The following HMHB1 variants were observed in gnomAD, a reference collection of about 807,000 sequenced individuals.
HMHB1 encodes histocompatibility minor HB-1.
HMHB1 carries 4 observed loss-of-function variants against 2.4 expected under a neutral mutation model. That is an observed-to-expected ratio of 1.65 (90% CI 0.81 to 3.77). The LOEUF (loss-of-function observed/expected upper bound fraction) is 3.77, where lower values mean the gene tolerates loss of function less well. Ranked by LOEUF, HMHB1 falls within the 30% of genes most tolerant of loss-of-function variation. The pLI is 0.01. For missense variants in HMHB1, 57 were observed against 44.2 expected, an observed-to-expected ratio of 1.29 and a Z score of -0.82; for synonymous variants, 22 against 17.6, an observed-to-expected ratio of 1.25 and a Z score of -0.63.
intron 1 of HMHB1, among the ~76,000 whole-genome samples, chr5:143,814,023 C>T (rs1310460420): frequency 6.6e-6 from 1 of 152,140 alleles, no homozygotes; most frequent in Non-Finnish European, 1.5e-5. Flanking sequence ...ACTGAAATTT[C>T]ATAGCATCAT....
intron 1 of HMHB1, among the ~76,000 whole-genome samples, chr5:143,817,960 T>A (rs1269871078): frequency 2.6e-5 from 4 of 152,224 alleles, no homozygotes; most frequent in Non-Finnish European, 5.9e-5. Context: ...ATTATATTCA[T>A]GGATTAGAAG....
rs185132352 is a variant in HMHB1, at chr5:143,815,916, C to T, written c.37+3612C>T. Among the ~76,000 whole-genome samples, 808 of 144,530 alleles carry T rather than the reference C, an allele frequency of 5.6e-3. 17 individuals are homozygous for T. The highest frequency in any genetic ancestry group is 0.016 in the African/African-American group (583 of 36,514). The allele number at this position is 144,530 out of a possible 152,430, so 94.8% of individuals were successfully genotyped here. A position where few individuals can be genotyped will look rare whatever the true frequency, so the allele number is the denominator to read the frequency against. On this transcript the variant is annotated intron_variant, in intron 1 of 1. Coordinates refer to ENST00000289448, the MANE Select transcript of HMHB1 (RefSeq NM_021182.3). The stretch of plus-strand genomic sequence containing the variant: ...AGAGACGGGGTTTCACCTTGTTAGC[C>T]AGGATGGTCTCGATCTCCTGACCTC...
intron 1 of HMHB1, among the ~76,000 whole-genome samples, chr5:143,816,810 CA>C (rs1479752279): frequency 6.6e-6 from 1 of 152,220 alleles, no homozygotes; most frequent in Non-Finnish European, 1.5e-5. Context: ...TACAAGTTTA[CA>C]TTCCCACCAG....
chr5:143,812,910 A>C (rs1759708289), intron 1 of HMHB1, among the ~76,000 whole-genome samples: 1 of 151,994 alleles, frequency 6.6e-6, no homozygotes, highest in Non-Finnish European at 1.5e-5. Flanking sequence ...CACTAACCTC[A>C]TTTCAGAGCC....
At chr5:143,813,214 C>T (rs973402679) in intron 1 of HMHB1, among the ~76,000 whole-genome samples, 1 of 152,188 alleles carries the variant, frequency 6.6e-6, no homozygotes, top group African/African-American at 2.4e-5. Context: ...ACAAACAGAA[C>T]TTTCTTTTAG....
intron 1 of HMHB1, among the ~76,000 whole-genome samples, chr5:143,814,160 A>G (rs1454639923): frequency 2.6e-5 from 4 of 152,202 alleles, no homozygotes; most frequent in Non-Finnish European, 4.4e-5. Context: ...TGAAATCACA[A>G]CTGAGACACA....
At position 143,820,567 on chromosome 5, in the gene HMHB1, G is replaced by A; in HGVS notation, c.125G>A (p.Ter42=). Residue 42 remains the stop codon, a stop_retained_variant, in exon 2 of 2, where the codon TGA becomes TAA. Coordinates refer to ENST00000289448, the MANE Select transcript of HMHB1 (RefSeq NM_021182.3). Reference sequence around the variant, plus strand: ...AGCTCTTCCCTGACTTATAGGCTTTGACACTGCTGTTGAGGTTTGACTCGA... The same window carrying A: ...AGCTCTTCCCTGACTTATAGGCTTTAACACTGCTGTTGAGGTTTGACTCGA... 3.1e-6 allele frequency: 5 copies of A among 1,604,718 alleles called. No individual in the cohort carries two copies. In the South Asian group the frequency reaches 5.5e-5, roughly 18 times the overall value.
rs897317246 is a variant in HMHB1 at position 143,813,410 on chromosome 5, A to G, written c.37+1106A>G. 2.6e-5 allele frequency among the ~76,000 whole-genome samples: 4 copies of G among 152,290 alleles called. No individual in the cohort carries two copies. The East Asian group carries it at 7.7e-4, about 29-fold the overall frequency. On this transcript the variant is annotated intron_variant, in intron 1 of 1. Coordinates refer to ENST00000289448, the MANE Select transcript of HMHB1 (RefSeq NM_021182.3). ...CCTAAAGCACTTGTTCGCCTCCTCC[A>G]TCAGAGCATGGGATTCTTGAGGGAA...
intron 1 of HMHB1, among the ~76,000 whole-genome samples, chr5:143,820,265 T>C (rs1425776523): frequency 7.5e-6 from 1 of 134,030 alleles, no homozygotes; most frequent in Non-Finnish European, 1.5e-5. Context: ...GCTTATGCTA[T>C]GCAAATACCA....
chr5:143,818,123 C>G (rs1227977908), intron 1 of HMHB1, among the ~76,000 whole-genome samples: 1 of 152,088 alleles, frequency 6.6e-6, no homozygotes. Flanking sequence ...TCATTTGTGG[C>G]AAATATTCAT....
At chr5:143,813,737 TAA>T (rs1005167909) in intron 1 of HMHB1, among the ~76,000 whole-genome samples, 2 of 152,216 alleles carry the variant, frequency 1.3e-5, no homozygotes, top group Admixed American at 6.5e-5. Flanking sequence ...ATGTGAATTA[TAA>T]AATTAACTTT....
At chr5:143,816,721 G>A (rs940850806) in intron 1 of HMHB1, among the ~76,000 whole-genome samples, 1 of 152,214 alleles carries the variant, frequency 6.6e-6, no homozygotes, top group African/African-American at 2.4e-5. Context: ...TTGATACCCA[G>A]TAGTGGGATT....
chr5:143,814,691 T>G (rs554951764), intron 1 of HMHB1, among the ~76,000 whole-genome samples: 5 of 152,364 alleles, frequency 3.3e-5, no homozygotes, highest in Admixed American at 1.3e-4. Context: ...AATTATGTCA[T>G]AAACTTCAGA....
intron 1 of HMHB1, among the ~76,000 whole-genome samples, chr5:143,813,788 T>C (rs1020822524): frequency 1.3e-5 from 2 of 152,200 alleles, no homozygotes; most frequent in African/African-American, 4.8e-5. Flanking sequence ...GAAAAAAATA[T>C]AAGTAATAAA....
intron 1 of HMHB1, among the ~76,000 whole-genome samples, chr5:143,816,386 C>CACTG (rs1277155993): frequency 2.0e-5 from 3 of 152,084 alleles, no homozygotes; most frequent in African/African-American, 7.2e-5. Context: ...CCCCAAAGTC[C>CACTG]ACTGTGTCAT....
At position 143,814,529 on chromosome 5, in the gene HMHB1, G is replaced by A. The variant is rs1216767813; in HGVS notation, c.37+2225G>A. 3.3e-5 allele frequency among the ~76,000 whole-genome samples: 5 copies of A among 152,178 alleles called. No individual in the cohort carries two copies. In the East Asian group the frequency reaches 9.6e-4, roughly 29 times the overall value. The stretch of plus-strand genomic sequence containing the variant: ...GTAGGAGCTCACTCAGGACTTAGCT[G>A]TCAGAGAGAGGACAGTCTGAGGCCT... On this transcript the variant is annotated intron_variant, in intron 1 of 1. Coordinates refer to ENST00000289448, the MANE Select transcript of HMHB1 (RefSeq NM_021182.3).
chr5:143,818,803 C>A (rs986805809), intron 1 of HMHB1, among the ~76,000 whole-genome samples: 2 of 151,996 alleles, frequency 1.3e-5, no homozygotes, highest in African/African-American at 4.8e-5. Flanking sequence ...CTGGCTCCTA[C>A]CCCTAGCTGG....
At chr5:143,817,166 T>A (rs1313863459) in intron 1 of HMHB1, among the ~76,000 whole-genome samples, 1 of 152,212 alleles carries the variant, frequency 6.6e-6, no homozygotes, top group Non-Finnish European at 1.5e-5. Flanking sequence ...AGTCATCTGT[T>A]TACTCTGCTG....
At chr5:143,814,931 A>G (rs953679791) in intron 1 of HMHB1, among the ~76,000 whole-genome samples, 2 of 152,162 alleles carry the variant, frequency 1.3e-5, no homozygotes, top group African/African-American at 4.8e-5. Context: ...TTCCTGACCT[A>G]GCTCTCATTT....
Sources: allele counts gnomAD v4.1 joint callset (sites outside exome capture counted in the v4.1 genomes callset), GRCh38; gene constraint gnomAD v4.1.1; transcripts MANE v1.5; gene names NCBI Gene and HGNC (gene_info 2026-07-23, HGNC 2026-07-21).